THSD7A: variants seen among roughly 807,000 people sequenced by gnomAD.
THSD7A encodes the protein thrombospondin type-1 domain-containing protein 7A.
THSD7A carries 96 observed loss-of-function variants against 231.3 expected under a neutral mutation model. The observed-to-expected ratio is 0.41, with a 90% CI of 0.35 to 0.49. The LOEUF (loss-of-function observed/expected upper bound fraction) is 0.49. Among genes scored for constraint, THSD7A ranks in the 20% least tolerant of loss-of-function variants. The pLI is 0.05. For synonymous variants in THSD7A, 940 were observed against 743.3 expected (o/e 1.26, Z -4.30); for missense variants, 2,290 against 2,070.2 (o/e 1.11, Z -2.06).
intron 23 of THSD7A, among the ~76,000 whole-genome samples, chr7:11,392,162 G>A (rs1408007842): frequency 3.9e-5 from 6 of 152,034 alleles, no homozygotes; most frequent in Admixed American, 3.9e-4. Flanking sequence ...GATGCAGAAG[G>A]TGGGTGATTT....
Position 11,760,711 on chromosome 7 carries a change from A to G in THSD7A, c.190+71046T>C, listed in dbSNP as rs1447661248. Among the ~76,000 whole-genome samples, 5 of 152,076 alleles carry G rather than the reference A, an allele frequency of 3.3e-5. No individual in the cohort carries two copies. The East Asian group carries it at 9.6e-4, about 29-fold the overall frequency. The stretch of plus-strand genomic sequence containing the variant: ...CATGTTGTACCAGAGGCTTTAGCAC[A>G]TACTATGTTAATAATATCAGCAAAC... On this transcript the variant is annotated intron_variant, in intron 1 of 27. Coordinates refer to ENST00000423059, the MANE Select transcript of THSD7A (RefSeq NM_015204.3).
At chr7:11,535,340 CAGAT>C (rs1334263414) in intron 6 of THSD7A, among the ~76,000 whole-genome samples, 3 of 152,014 alleles carry the variant, frequency 2.0e-5, no homozygotes, top group African/African-American at 7.2e-5. Context: ...CATATACTAA[CAGAT>C]AGCAGACAAA....
rs1432705949 is a variant in THSD7A at position 11,444,906 on chromosome 7, T to C, written c.3064+1155A>G. On this transcript the variant is annotated intron_variant, in intron 13 of 27. Transcript: ENST00000423059. This position sits in a 1 kb window ranked among gnomAD's most constrained non-coding sequence, Gnocchi z 4.2. ...TTTTATATATATATAAAATGCTGTA[T>C]ATATATAATGAAACTATATATGTAT... Among the ~76,000 whole-genome samples the C allele has an allele frequency of 6.8e-6, 1 of 147,790 alleles. No individual in the cohort carries two copies.
intron 6 of THSD7A, among the ~76,000 whole-genome samples, chr7:11,484,050 T>C (rs1441869157): frequency 1.3e-5 from 2 of 150,634 alleles, no homozygotes; most frequent in African/African-American, 4.9e-5. Flanking sequence ...CCATATCTTA[T>C]TTTAGCTCTT....
chr7:11,488,932 G>A (rs1163151586), intron 6 of THSD7A, among the ~76,000 whole-genome samples: 1 of 149,556 alleles, frequency 6.7e-6, no homozygotes, highest in Admixed American at 6.7e-5. Context: ...TCTTCCTTTA[G>A]GACTCGGTTT....
intron 6 of THSD7A, among the ~76,000 whole-genome samples, chr7:11,531,374 C>G (rs991998569): frequency 1.3e-5 from 2 of 152,120 alleles, no homozygotes; most frequent in African/African-American, 2.4e-5. Context: ...GTTTCAAACC[C>G]TTCAATAGAT....
chr7:11,587,435 G>A (rs1779955698), intron 4 of THSD7A, among the ~76,000 whole-genome samples: 1 of 152,098 alleles, frequency 6.6e-6, no homozygotes, highest in African/African-American at 2.4e-5. Flanking sequence ...GTCAGGATTG[G>A]GAGGGTTACC....
intron 6 of THSD7A, among the ~76,000 whole-genome samples, chr7:11,540,413 C>G (rs1429610882): frequency 6.6e-6 from 1 of 152,206 alleles, no homozygotes; most frequent in Admixed American, 6.5e-5. Context: ...AACAATTCTG[C>G]TTACTGGAAG....
chr7:11,578,789 A>G (rs986999272), intron 4 of THSD7A, among the ~76,000 whole-genome samples: 4 of 152,196 alleles, frequency 2.6e-5, no homozygotes, highest in African/African-American at 9.7e-5. Context: ...AAAGAAAAGG[A>G]ACTGAAATAG....
At chr7:11,821,027 G>T in intron 1 of THSD7A, 1 of 987,780 alleles carries the variant, frequency 1.0e-6, no homozygotes, top group Non-Finnish European at 1.6e-6. Context: ...CAGGTTTTCT[G>T]GGACTTTTCA....
intron 18 of THSD7A, 21 bp downstream of exon 18, chr7:11,412,628 CTCCGTGA>C: frequency 6.2e-7 from 1 of 1,612,802 alleles, no homozygotes; most frequent in Admixed American, 1.7e-5. Context: ...TTGGACTTAA[CTCCGTGA>C]TCAGATGATG....
chr7:11,554,163 C>T (rs1207828301), intron 4 of THSD7A, among the ~76,000 whole-genome samples: 3 of 151,890 alleles, frequency 2.0e-5, no homozygotes, highest in Admixed American at 6.6e-5. Context: ...TTAATGTCTA[C>T]CAGAATCTCA....
intron 15 of THSD7A, among the ~76,000 whole-genome samples, chr7:11,425,712 C>A (rs1401393696): frequency 1.3e-5 from 2 of 149,008 alleles, no homozygotes; most frequent in East Asian, 4.0e-4. Context: ...CTGTGATAGT[C>A]CAACTCTATC....
Position 11,481,973 on chromosome 7 carries a change from ACTT to A in THSD7A, c.1829_1831del (p.Glu610del), listed in dbSNP as rs780333029. On this transcript the variant is annotated inframe_deletion, in exon 7 of 28. Transcript: ENST00000423059. ...GGCATCTCTGCACAGCTGTCTGTCAACTTCTTCTCCTGGGGAAAACATGACCAC... is the reference window on the plus strand; with the variant it reads ...GGCATCTCTGCACAGCTGTCTGTCAACTTCTCCTGGGGAAAACATGACCAC... 1.3e-6 allele frequency: 2 copies of A among 1,595,728 alleles called. No homozygotes were observed. The highest frequency in any genetic ancestry group is 1.7e-6 in the Non-Finnish European group (2 of 1,169,618).
At chr7:11,584,603 A>T (rs1791315068) in intron 4 of THSD7A, among the ~76,000 whole-genome samples, 1 of 152,200 alleles carries the variant, frequency 6.6e-6, no homozygotes, top group South Asian at 2.1e-4. Context: ...GCCTAAGAAT[A>T]CATGCCAAGC....
rs957834522 is a variant in THSD7A at position 11,406,025 on chromosome 7, A to G, written c.4237+275T>C. ...CTTTTATTTCATAACTTTTCTGTGG[A>G]GCATGGGCTTAAGGCCTTAAATACC... is the stretch of plus-strand genomic sequence containing the variant. On this transcript the variant is annotated intron_variant, in intron 22 of 27. Coordinates refer to ENST00000423059, the MANE Select transcript of THSD7A (RefSeq NM_015204.3). The surrounding 1 kb of genome is among the most constrained non-coding windows in gnomAD (Gnocchi z 4.7). Among the ~76,000 whole-genome samples the G allele has an allele frequency of 1.3e-5, 2 of 152,014 alleles. No individual in the cohort carries two copies. The highest frequency in any genetic ancestry group is 4.8e-5 in the African/African-American group (2 of 41,384).
chr7:11,778,256 T>A (rs1783501785), intron 1 of THSD7A, among the ~76,000 whole-genome samples: 1 of 151,568 alleles, frequency 6.6e-6, no homozygotes, highest in African/African-American at 2.4e-5. Context: ...GAAGACATAT[T>A]TCACTAAGTG....
At chr7:11,410,178 C>G (rs1166207925) in intron 19 of THSD7A, among the ~76,000 whole-genome samples, 1 of 152,184 alleles carries the variant, frequency 6.6e-6, no homozygotes, top group Non-Finnish European at 1.5e-5. Context: ...AAGGTTATTG[C>G]AGGAGGCATT....
intron 1 of THSD7A, among the ~76,000 whole-genome samples, chr7:11,811,241 C>T (rs986604052): frequency 5.3e-5 from 8 of 152,094 alleles, no homozygotes; most frequent in Admixed American, 1.3e-4. Flanking sequence ...CACACACACA[C>T]GAAACAATGC....
Sources: gnomAD v4.1 joint callset for allele counts (sites outside exome capture counted in the v4.1 genomes callset) on GRCh38, gnomAD v4.1.1 for gene constraint, Gnocchi (gnomAD v3.1) non-coding constraint, MANE v1.5 for transcripts, NCBI Gene and HGNC (gene_info 2026-07-23, HGNC 2026-07-21) for gene names.